Variants in SSX3 observed in about 807,000 individuals in gnomAD.
SSX3 encodes protein SSX3.
SSX3 carries 6 observed loss-of-function variants against 14.8 expected under a neutral mutation model. The observed-to-expected ratio is 0.41, with a 90% CI of 0.22 to 0.80. The LOEUF (loss-of-function observed/expected upper bound fraction) is 0.80, where lower values mean the gene tolerates loss of function less well. SSX3 is among the 30% of genes least tolerant of loss of function. The pLI is 0.34. For missense variants in SSX3, 163 were observed against 152.2 expected (o/e 1.07, Z -0.37); for synonymous variants, 55 against 52.9 (o/e 1.04, Z -0.18).
chrX:48,350,707 C>G (rs1556949568), intron 5 of SSX3, among the ~76,000 whole-genome samples: 1 of 110,839 alleles, frequency 9.0e-6, no homozygotes, highest in Non-Finnish European at 1.9e-5. Flanking sequence ...TGAGGTGGTA[C>G]CCATACCAAT....
intron 6 of SSX3, among the ~76,000 whole-genome samples, chrX:48,348,096 T>C (rs1445235782): frequency 1.8e-5 from 2 of 112,497 alleles, no homozygotes; most frequent in African/African-American, 6.5e-5. Context: ...TTTAAAATAA[T>C]TTTTGTTCTT....
Position 48,346,587 on chromosome X carries a change from C to CTG in SSX3, c.*451_*452dup, listed in dbSNP as rs1328196739. On this transcript the variant is annotated 3_prime_UTR_variant, in exon 8 of 8. Coordinates refer to ENST00000298396, the MANE Select transcript of SSX3 (RefSeq NM_021014.4). ...GCTTATACTGGTACTTGGTGTGTGT[C>CTG]TGTGTGTGTGTGTGTGTGTGTGTGG... is the stretch of plus-strand genomic sequence containing the variant. The CTG allele has an allele frequency of 4.3e-5, 8 of 186,592 alleles. No homozygotes were observed. The highest frequency in any genetic ancestry group is 3.3e-4 in the African/African-American group (7 of 21,244). The allele number at this position is 186,592 out of a possible 1,213,427, so 15.4% of individuals were successfully genotyped here. A position where few individuals can be genotyped will look rare whatever the true frequency, so the allele number is the denominator to read the frequency against.
At chrX:48,353,846 A>G (rs113398904) in intron 4 of SSX3, among the ~76,000 whole-genome samples, 153 bp downstream of exon 4, 4 of 110,495 alleles carry the variant, frequency 3.6e-5, no homozygotes, top group African/African-American at 1.3e-4. Context: ...TATATGAATG[A>G]CCTCTGTAGT....
intron 1 of SSX3, 146 bp from the exon 2 acceptor site, chrX:48,355,415 TG>T (rs1351854938): frequency 5.5e-6 from 3 of 550,134 alleles, no homozygotes; most frequent in Non-Finnish European, 8.8e-6. Flanking sequence ...AGTAAGGATA[TG>T]GGGAGAAATC....
At chrX:48,352,011 G>A (rs1285877667) in intron 5 of SSX3, 89 bp downstream of exon 5, 3 of 1,082,689 alleles carry the variant, frequency 2.8e-6, no homozygotes, top group African/African-American at 3.7e-5. Context: ...GGCAGTGAGG[G>A]CATTGTTGAT....
chrX:48,350,697 T>G (rs149326003), intron 5 of SSX3, among the ~76,000 whole-genome samples: 2,310 of 110,542 alleles, frequency 0.021, 67 homozygotes, highest in African/African-American at 0.072. Context: ...TGGAATTCAG[T>G]GAGGTGGTAC....
intron 3 of SSX3, among the ~76,000 whole-genome samples, 191 bp from the exon 4 acceptor site, chrX:48,354,285 C>CAA (rs370532904): frequency 3.7e-4 from 15 of 40,036 alleles, no homozygotes; most frequent in African/African-American, 1.3e-3. Context: ...CTGACTCAAA[C>CAA]AAAAAAAAAA....
At chrX:48,355,042 G>A in intron 2 of SSX3, 139 bp downstream of exon 2, 2 of 1,203,831 alleles carry the variant, frequency 1.7e-6, no homozygotes, top group Non-Finnish European at 1.1e-6. Flanking sequence ...CAGAGTGAGG[G>A]TGGGAGGCTC....
In SSX3 at chrX:48,346,643, G is replaced by GA; in HGVS notation, c.*396dup. 3.1e-6 allele frequency: 1 copy of GA among 319,988 alleles called. No homozygotes were observed. The highest frequency in any genetic ancestry group is 5.6e-6 in the Non-Finnish European group (1 of 177,784). 26.4% of individuals were successfully genotyped at this position (319,988 alleles called of 1,213,427 possible). ...TTTGTGTGTGTGTGTAAATGCAGAG[G>GA]AAAAAATCTGAAATTAAACACTCAG... On this transcript the variant is annotated 3_prime_UTR_variant, in exon 8 of 8. Transcript: ENST00000298396.
intron 1 of SSX3, among the ~76,000 whole-genome samples, chrX:48,356,418 T>G: frequency 9.0e-6 from 1 of 110,929 alleles, no homozygotes; most frequent in Middle Eastern, 4.6e-3. Context: ...CAGGCCCAAA[T>G]TTCTTAAGTT....
Position 48,355,654 on chromosome X carries a change from A to G in SSX3, c.-20-385T>C, listed in dbSNP as rs782474264. Among the ~76,000 whole-genome samples, 4 of 111,345 alleles carry G rather than the reference A, an allele frequency of 3.6e-5. No individual in the cohort carries two copies. In the South Asian group the frequency reaches 1.5e-3, roughly 42 times the overall value. ...GCATGCTGACACCCCCGCTCAATAA[A>G]TAAAGGAAGGGAAGTTAGTCCCAGA... On this transcript the variant is annotated intron_variant, in intron 1 of 7. Transcript: ENST00000298396.
intron 5 of SSX3, 101 bp from the exon 6 acceptor site, chrX:48,350,223 C>T (rs2061256380): frequency 9.0e-7 from 1 of 1,110,220 alleles, no homozygotes; most frequent in South Asian, 2.1e-5. Context: ...ATTCAATGTT[C>T]TCAACAACAC....
chrX:48,352,441 G>T (rs781951018), intron 4 of SSX3, among the ~76,000 whole-genome samples: 2 of 112,288 alleles, frequency 1.8e-5, no homozygotes, highest in Admixed American at 1.9e-4. Flanking sequence ...TAAATTGATT[G>T]GTTAGGAATC....
chrX:48,352,145 T>C lies in SSX3; in HGVS notation c.285A>G (p.Gln95=), dbSNP rs376019627. 5.0e-5 allele frequency: 60 copies of C among 1,207,575 alleles called. No individual in the cohort carries two copies. Among genetic ancestry groups the C allele is most frequent in the Non-Finnish European group, 5.8e-5 (52 of 893,151 alleles). ...DNDPNRGNQV[Q]RPQMTFGRLQ... ...GCCTGCCGAAAGTCATCTGAGGACG[T>C]TGAACTGAAAGAGAATACATCAGAA... The change falls in exon 5 of 8, where the codon CAA becomes CAG. Residue 95 remains glutamine, a synonymous_variant. Transcript: ENST00000298396.
Position 48,355,198 on chromosome X carries a change from G to A in SSX3, c.52C>T (p.Pro18Ser). The change falls in exon 2 of 8, where the codon CCA becomes TCA. Residue 18 changes from proline (P) to serine (S), a missense_variant. By Grantham distance (74) the Pro-to-Ser change is moderately conservative. Transcript: ENST00000298396. ...ARRPTVGAQI[P>S]EKIQKAFDDI... ...CACCTCACCTTTTGTATCTTCTCTG[G>A]TATTTGAGCACCAACCGTGGGTCTC... 8.3e-7 allele frequency: 1 copy of A among 1,211,115 alleles called. No homozygotes were observed. The highest frequency in any genetic ancestry group is 1.1e-6 in the Non-Finnish European group (1 of 895,030).
chrX:48,353,103 C>T (rs782563964), intron 4 of SSX3, among the ~76,000 whole-genome samples: 1 of 109,834 alleles, frequency 9.1e-6, no homozygotes, highest in Admixed American at 9.8e-5. Flanking sequence ...AAGTTTTTGG[C>T]GGATCTACAG....
intron 5 of SSX3, among the ~76,000 whole-genome samples, chrX:48,350,476 T>C (rs1305249284): frequency 9.0e-6 from 1 of 111,320 alleles, no homozygotes; most frequent in Non-Finnish European, 1.9e-5. Flanking sequence ...TTCTGTAAAA[T>C]ACAAGGGATC....
At chrX:48,354,150 G>A (rs1242174024) in intron 3 of SSX3, 56 bp from the exon 4 acceptor site, 32 of 1,039,018 alleles carry the variant, frequency 3.1e-5, no homozygotes, top group Non-Finnish European at 3.5e-5. Flanking sequence ...CTGGTACGGT[G>A]GCTCATGTCT....
In SSX3 at chrX:48,346,992, C is replaced by G. The variant is rs1556948661; in HGVS notation, c.*48G>C. 1.8e-5 allele frequency: 21 copies of G among 1,196,327 alleles called. No individual in the cohort carries two copies. The highest frequency in any genetic ancestry group is 2.1e-5 in the Non-Finnish European group (19 of 895,043). ...CCATGCCCATGTTCGTGAAAGGTCA[C>G]CACGTTCTGCTTCTCATCATGGGCA... On this transcript the variant is annotated 3_prime_UTR_variant, in exon 8 of 8. Coordinates refer to ENST00000298396, the MANE Select transcript of SSX3 (RefSeq NM_021014.4).
Sources: gnomAD v4.1 joint callset for allele counts (sites outside exome capture counted in the v4.1 genomes callset) on GRCh38, gnomAD v4.1.1 for gene constraint, MANE v1.5 for transcripts, NCBI Gene and HGNC (gene_info 2026-07-23, HGNC 2026-07-21) for gene names.